The following C1orf167 variants were observed in gnomAD, a reference collection of about 807,000 sequenced individuals.
The protein encoded by C1orf167 is uncharacterized protein C1orf167.
Under a neutral mutation model 176.5 loss-of-function variants are expected in C1orf167, and 153 were observed. The observed-to-expected ratio is 0.87, with a 90% CI of 0.76 to 0.99. The LOEUF (loss-of-function observed/expected upper bound fraction) is 0.99, where lower values mean the gene tolerates loss of function less well. Ranked by LOEUF, C1orf167 falls within the 50% of genes least tolerant of loss-of-function variation. The pLI, the probability that C1orf167 is intolerant of heterozygous loss-of-function variation, is 0.00. For synonymous variants in C1orf167, 594 were observed against 752.7 expected (o/e 0.79, Z 3.45); for missense variants, 1,490 against 1,817.7 (o/e 0.82, Z 3.28).
rs925839751 is a variant in C1orf167 at position 11,765,994 on chromosome 1, C to T, written c.208C>T (p.Arg70Ter). The T allele has an allele frequency of 1.2e-5, 15 of 1,289,080 alleles. No individual in the cohort carries two copies. The highest frequency in any genetic ancestry group is 2.1e-4 in the Middle Eastern group (1 of 4,694). The allele number at this position is 1,289,080 out of a possible 1,614,324, so 79.9% of individuals were successfully genotyped here. ...PGAVLDQEPC[R>*]VQTNLASPGP... ...GGCAGTGCTAGACCAGGAGCCCTGC[C>T]GAGTCCAGACCAACCTGGCCAGCCC... The change falls in exon 3 of 21, where the codon CGA (arginine) becomes TGA (stop). Residue 70 changes from arginine to a stop codon, truncating the protein, a stop_gained. Transcript: ENST00000688073. LOFTEE classifies it high-confidence loss of function.
chr1:11,764,423 G>A lies in C1orf167; in HGVS notation c.23G>A (p.Ser8Asn). ...CCCATGGAGCTAAGGTCTGATGCCA[G>A]CCACAAGGAGAATGTGTCCCCAAAG... MELRSDA[S>N]HKENVSPKPA... Residue 8 changes from serine (S) to asparagine (N), a missense_variant, in exon 2 of 21, where the codon AGC becomes AAC. Transcript: ENST00000688073. The A allele has an allele frequency of 7.8e-7, 1 of 1,289,424 alleles. No homozygotes were observed. Among genetic ancestry groups the A allele is most frequent in the South Asian group, 1.2e-5 (1 of 81,032 alleles). The allele number at this position is 1,289,424 out of a possible 1,614,324, so 79.9% of individuals were successfully genotyped here. A position where few individuals can be genotyped will look rare whatever the true frequency, so the allele number is the denominator to read the frequency against.
chr1:11,788,145 C>G lies in C1orf167; in HGVS notation c.3849-4C>G. ...ATGGCTACAGCTGGGCCCTCTCTGG[C>G]CAGTGCTCGTTCCTGCAGGATCCTG... On this transcript the variant is annotated splice_region_variant and splice_polypyrimidine_tract_variant and intron_variant, in intron 18 of 20. Transcript: ENST00000688073. The G allele has an allele frequency of 1.6e-6, 2 of 1,284,078 alleles. No individual in the cohort carries two copies. Among genetic ancestry groups the G allele is most frequent in the Non-Finnish European group, 2.1e-6 (2 of 973,450 alleles). 79.5% of individuals were successfully genotyped at this position (1,284,078 alleles called of 1,614,324 possible). A position where few individuals can be genotyped will look rare whatever the true frequency, so the allele number is the denominator to read the frequency against.
intron 6 of C1orf167, among the ~76,000 whole-genome samples, chr1:11,770,731 G>T (rs938107977): frequency 1.9e-4 from 29 of 151,326 alleles, no homozygotes; most frequent in African/African-American, 6.8e-4. Context: ...CACAGTGCTG[G>T]GATTATAGAC....
chr1:11,787,959 T>G lies in C1orf167; in HGVS notation c.3760T>G (p.Trp1254Gly), dbSNP rs1643937352. 1 of 1,304,014 alleles carries G rather than the reference T, an allele frequency of 7.7e-7. No homozygotes were observed. The highest frequency in any genetic ancestry group is 1.5e-5 in the African/African-American group (1 of 65,856). The allele number at this position is 1,304,014 out of a possible 1,614,324, so 80.8% of individuals were successfully genotyped here. A position where few individuals can be genotyped will look rare whatever the true frequency, so the allele number is the denominator to read the frequency against. ...TAGCTGGGTCCCAGGCCTGCCCCTGTGGACGAGGGACCAGGGACCAAGAGC... is the reference window on the plus strand; with the variant it reads ...TAGCTGGGTCCCAGGCCTGCCCCTGGGGACGAGGGACCAGGGACCAAGAGC... ...QSSWVPGLPL[W>G]TRDQGPRAHS... is the part of the protein sequence containing the mutation. The change falls in exon 18 of 21, where the codon TGG becomes GGG. Residue 1254 changes from tryptophan (W) to glycine (G), a missense_variant. Coordinates refer to ENST00000688073, the MANE Select transcript of C1orf167 (RefSeq NM_001010881.2).
intron 10 of C1orf167, chr1:11,778,355 G>T (rs1643423443): frequency 6.1e-6 from 1 of 164,538 alleles, no homozygotes; most frequent in Admixed American, 6.1e-5. Flanking sequence ...GCTCACTGAG[G>T]TCACTCAGAG....
intron 3 of C1orf167, 59 bp from the exon 4 acceptor site, chr1:11,767,162 T>C (rs186607892): frequency 7.8e-7 from 1 of 1,280,682 alleles, no homozygotes; most frequent in Non-Finnish European, 1.0e-6. Flanking sequence ...TGGCAGGGGG[T>C]GCCCTGTCCT....
chr1:11,788,360 G>A lies in C1orf167; in HGVS notation c.4060G>A (p.Ala1354Thr). Residue 1354 changes from alanine (A) to threonine (T), a missense_variant, in exon 19 of 21, where the codon GCA becomes ACA. Physicochemically the swap from Ala to Thr is moderately conservative, Grantham distance 58. Transcript: ENST00000688073. ...AALGGCPRGRAAGADPAQGVA... is the reference protein window; with the variant it reads ...AALGGCPRGRTAGADPAQGVA... ...ACTGGGTGGATGCCCAAGGGGCAGA[G>A]CAGCTGGTGCGGACCCTGGTGAGTG... 1.5e-6 allele frequency: 2 copies of A among 1,297,154 alleles called. No homozygotes were observed. The highest frequency in any genetic ancestry group is 2.0e-6 in the Non-Finnish European group (2 of 984,074). 80.4% of individuals were successfully genotyped at this position (1,297,154 alleles called of 1,614,324 possible). A position where few individuals can be genotyped will look rare whatever the true frequency, so the allele number is the denominator to read the frequency against.
chr1:11,782,041 A>G (rs977567321), intron 13 of C1orf167, 148 bp from the exon 14 acceptor site: 2 of 522,832 alleles, frequency 3.8e-6, no homozygotes, highest in African/African-American at 4.2e-5. Context: ...CCAGCAGGAC[A>G]CCCATAATAG....
At chr1:11,763,312 G>A (rs756425576) in intron 1 of C1orf167, among the ~76,000 whole-genome samples, 1 of 152,134 alleles carries the variant, frequency 6.6e-6, no homozygotes, top group African/African-American at 2.4e-5. Context: ...GTGGTGGCAT[G>A]TGCCTGTGGT....
chr1:11,779,114 T>C, intron 12 of C1orf167, 34 bp downstream of exon 12: 1 of 1,214,120 alleles, frequency 8.2e-7, no homozygotes, highest in Non-Finnish European at 1.1e-6. Flanking sequence ...CGCCACTCTA[T>C]GGACTTACTG....
Position 11,775,426 on chromosome 1 carries a change from T to C in C1orf167, c.1989-9T>C, listed in dbSNP as rs183801231. The C allele has an allele frequency of 7.8e-7, 1 of 1,288,890 alleles. No homozygotes were observed. Among genetic ancestry groups the C allele is most frequent in the East Asian group, 5.6e-5 (1 of 17,904 alleles). 79.8% of individuals were successfully genotyped at this position (1,288,890 alleles called of 1,614,324 possible). On this transcript the variant is annotated splice_polypyrimidine_tract_variant and intron_variant, in intron 8 of 20. Coordinates refer to ENST00000688073, the MANE Select transcript of C1orf167 (RefSeq NM_001010881.2). ...AATTGACATGGGTACTTTCCCTCTG[T>C]TCTCCCAGGTGCTTCGGGGCGTGGC...
At chr1:11,778,854 A>T (rs776522101) in intron 11 of C1orf167, 38 bp downstream of exon 11, 42 of 1,274,042 alleles carry the variant, frequency 3.3e-5, no homozygotes, top group Middle Eastern at 2.2e-4. Context: ...TGGGGCAGGT[A>T]GGGGTGGATG....
Position 11,766,100 on chromosome 1 carries a change from A to G in C1orf167, c.314A>G (p.Gln105Arg). The G allele has an allele frequency of 7.8e-7, 1 of 1,289,868 alleles. No homozygotes were observed. The highest frequency in any genetic ancestry group is 1.0e-6 in the Non-Finnish European group (1 of 988,868). 79.9% of individuals were successfully genotyped at this position (1,289,868 alleles called of 1,614,324 possible). ...NSSFWQQSNL[Q>R]SLARRRQGKA... The stretch of plus-strand genomic sequence containing the variant: ...AGCTTCTGGCAACAGAGCAACCTGC[A>G]GTCCCTGGCCAGGAGGCGCCAAGGG... The change falls in exon 3 of 21, where the codon CAG (glutamine) becomes CGG (arginine). Residue 105 changes from glutamine to arginine, a missense_variant. Transcript: ENST00000688073. The surrounding 1 kb of genome is among the most constrained non-coding windows in gnomAD (Gnocchi z 4.5).
In C1orf167 at chr1:11,779,026, G is replaced by A. The variant is rs912386244; in HGVS notation, c.2597G>A (p.Arg866Gln). The A allele has an allele frequency of 1.9e-5, 25 of 1,294,678 alleles. No homozygotes were observed. The highest frequency in any genetic ancestry group is 2.2e-4 in the Middle Eastern group (1 of 4,620). The allele number at this position is 1,294,678 out of a possible 1,614,324, so 80.2% of individuals were successfully genotyped here. ...CAGTGCCTTCTGCTCTGGCAGGCACGGGCCCAGCAGTTCCAGGGCACAGCC... is the reference window on the plus strand; with the variant it reads ...CAGTGCCTTCTGCTCTGGCAGGCACAGGCCCAGCAGTTCCAGGGCACAGCC... Reference protein sequence around the residue: ...QGQCLLLWQARAQQFQGTARW... With the variant: ...QGQCLLLWQAQAQQFQGTARW... The change falls in exon 12 of 21, where the codon CGG (arginine) becomes CAG (glutamine). Residue 866 changes from arginine (R) to glutamine (Q), a missense_variant. By Grantham distance (43) the Arg-to-Gln change is conservative. Coordinates refer to ENST00000688073, the MANE Select transcript of C1orf167 (RefSeq NM_001010881.2).
In C1orf167 at chr1:11,778,680, A is replaced by G; in HGVS notation, c.2360A>G (p.Gln787Arg). 1 of 1,300,264 alleles carries G rather than the reference A, an allele frequency of 7.7e-7. No individual in the cohort carries two copies. The highest frequency in any genetic ancestry group is 1.0e-6 in the Non-Finnish European group (1 of 985,802). The allele number at this position is 1,300,264 out of a possible 1,614,324, so 80.5% of individuals were successfully genotyped here. The change falls in exon 11 of 21, where the codon CAG becomes CGG. Residue 787 changes from glutamine (Q) to arginine (R), a missense_variant. Physicochemically the swap from Gln to Arg is conservative, Grantham distance 43. Coordinates refer to ENST00000688073, the MANE Select transcript of C1orf167 (RefSeq NM_001010881.2). The part of the protein sequence containing the change: ...QWANSFFQGL[Q>R]QRMLQRSLRW... Reference sequence around the variant, plus strand: ...TCTAGCTCCTTCTTCCAGGGCCTGCAGCAGCGGATGCTGCAGCGCAGCCTG... The same window carrying G: ...TCTAGCTCCTTCTTCCAGGGCCTGCGGCAGCGGATGCTGCAGCGCAGCCTG...
Position 11,782,182 on chromosome 1 carries a change from G to T in C1orf167, c.2861-7G>T. ...CCAGTGGCTCTTCAGCATCTCTCTG[G>T]CCCCAGGGCAGCAGTTCCTGCATGA... On this transcript the variant is annotated splice_region_variant and splice_polypyrimidine_tract_variant and intron_variant, in intron 13 of 20. Transcript: ENST00000688073. 7.9e-7 allele frequency: 1 copy of T among 1,268,878 alleles called. No individual in the cohort carries two copies. Among genetic ancestry groups the T allele is most frequent in the Non-Finnish European group, 1.0e-6 (1 of 972,048 alleles). The allele number at this position is 1,268,878 out of a possible 1,614,324, so 78.6% of individuals were successfully genotyped here.
chr1:11,784,738 G>A (rs1218342389), intron 15 of C1orf167, 145 bp downstream of exon 15: 16 of 938,288 alleles, frequency 1.7e-5, no homozygotes, highest in Admixed American at 8.0e-5. Flanking sequence ...GGGAGAGGCC[G>A]CCCTGGCCAT....
In C1orf167 at chr1:11,766,835, C is replaced by T; in HGVS notation, c.1049C>T (p.Pro350Leu). Reference protein sequence around the residue: ...NPEQGLPPAHPLGSGDSCSPW... With the variant: ...NPEQGLPPAHLLGSGDSCSPW... ...GAGCAGGGGCTCCCTCCTGCCCACC[C>T]CCTAGGGTCAGGGGACAGCTGCTCC... Residue 350 changes from proline (P) to leucine (L), a missense_variant, in exon 3 of 21, where the codon CCC becomes CTC. Pro to Leu is a moderately conservative substitution (Grantham distance 98). Coordinates refer to ENST00000688073, the MANE Select transcript of C1orf167 (RefSeq NM_001010881.2). The surrounding 1 kb of genome is among the most constrained non-coding windows in gnomAD (Gnocchi z 4.5). The T allele has an allele frequency of 7.8e-7, 1 of 1,288,038 alleles. No individual in the cohort carries two copies. The highest frequency in any genetic ancestry group is 1.2e-5 in the South Asian group (1 of 80,938). The allele number at this position is 1,288,038 out of a possible 1,614,324, so 79.8% of individuals were successfully genotyped here. A position where few individuals can be genotyped will look rare whatever the true frequency, so the allele number is the denominator to read the frequency against.
Position 11,789,479 on chromosome 1 carries a change from C to CT in C1orf167, c.*35dup. On this transcript the variant is annotated 3_prime_UTR_variant, in exon 21 of 21. Transcript: ENST00000688073. Reference sequence around the variant, plus strand: ...TCATAGAATAAAAAACAGAACTGAACTTAGCCTTCCCAGGGAAGGAACCAT... The same window carrying CT: ...TCATAGAATAAAAAACAGAACTGAACTTTAGCCTTCCCAGGGAAGGAACCAT... 1 of 1,295,908 alleles carries CT rather than the reference C, an allele frequency of 7.7e-7. No homozygotes were observed. The highest frequency in any genetic ancestry group is 1.5e-5 in the African/African-American group (1 of 65,684). 80.3% of individuals were successfully genotyped at this position (1,295,908 alleles called of 1,614,324 possible).
Sources: gnomAD v4.1 joint callset for allele counts (sites outside exome capture counted in the v4.1 genomes callset) on GRCh38, gnomAD v4.1.1 for gene constraint, Gnocchi (gnomAD v3.1) non-coding constraint, MANE v1.5 for transcripts, NCBI Gene and HGNC (gene_info 2026-07-23, HGNC 2026-07-21) for gene names.